Variants in POU2F2 observed in about 807,000 individuals in gnomAD.
POU2F2 encodes POU domain, class 2, transcription factor 2.
A neutral mutation model predicts 63.5 loss-of-function variants in POU2F2; 14 were observed. That is an observed-to-expected ratio of 0.22 (90% CI 0.15 to 0.34). POU2F2 has a LOEUF of 0.34. Among genes scored for constraint, POU2F2 ranks in the 10% least tolerant of loss-of-function variants. The probability of loss-of-function intolerance (pLI) is 1.00; values close to 1 mark genes in which losing one functional copy is unlikely to be tolerated. For missense variants in POU2F2, 607 were observed against 815.2 expected (o/e 0.74, Z 3.11); for synonymous variants, 306 against 348.6 (o/e 0.88, Z 1.36).
intron 1 of POU2F2, among the ~76,000 whole-genome samples, chr19:42,183,519 C>T (rs2034985004): frequency 6.6e-6 from 1 of 152,186 alleles, no homozygotes; most frequent in Non-Finnish European, 1.5e-5. Flanking sequence ...GTGGTGGTTA[C>T]ACAACTGTGT....
intron 1 of POU2F2, among the ~76,000 whole-genome samples, chr19:42,171,128 C>T (rs1017305334): frequency 1.3e-5 from 2 of 152,248 alleles, no homozygotes; most frequent in African/African-American, 4.8e-5. Flanking sequence ...TGCCTCAGGG[C>T]GACCCTCCCC....
Position 42,166,063 on chromosome 19 carries a change from T to TCC in POU2F2, c.-69-5672_-69-5671insGG, listed in dbSNP as rs543722561. On this transcript the variant is annotated intron_variant, in intron 1 of 6. Transcript: ENST00000524801. ...CTCCCATTAGGTTGGTAAAGGGGAA[T>TCC]TAAGGATGGCTGGGGATGGCCCCTT... Among the ~76,000 whole-genome samples, 12 of 152,314 alleles carry TCC rather than the reference T, an allele frequency of 7.9e-5. No individual in the cohort carries two copies. The South Asian group carries it at 2.3e-3, about 29-fold the overall frequency.
intron 1 of POU2F2, among the ~76,000 whole-genome samples, chr19:42,164,750 C>T (rs2034617485): frequency 6.6e-6 from 1 of 151,808 alleles, no homozygotes; most frequent in African/African-American, 2.4e-5. Context: ...TCCCTTGAGC[C>T]CAGGAGTACA....
At chr19:42,172,636 G>A (rs1042011890) in intron 1 of POU2F2, among the ~76,000 whole-genome samples, 6 of 152,164 alleles carry the variant, frequency 3.9e-5, no homozygotes, top group African/African-American at 9.7e-5. Context: ...CACCAAAAGG[G>A]GTAGGGGGGA....
chr19:42,106,681 G>A (rs2030073562), intron 5 of POU2F2, among the ~76,000 whole-genome samples: 1 of 151,888 alleles, frequency 6.6e-6, no homozygotes, highest in Admixed American at 6.6e-5. Context: ...GAGGCTAGAT[G>A]TGAGAATCTT....
At position 42,169,569 on chromosome 19, in the gene POU2F2, G is replaced by A. The variant is rs1170593772; in HGVS notation, c.-70+6394C>T. 6.6e-6 allele frequency among the ~76,000 whole-genome samples: 1 copy of A among 152,138 alleles called. No homozygotes were observed. The highest frequency in any genetic ancestry group is 2.4e-5 in the African/African-American group (1 of 41,424). ...TAGGGAATCTCTGACCAAAAGTATG[G>A]GTATCTGGCTCCCAGGACCCAAGGG... On this transcript the variant is annotated intron_variant, in intron 1 of 6. Transcript: ENST00000524801. The surrounding 1 kb of genome is among the most constrained non-coding windows in gnomAD (Gnocchi z 4.3).
Position 42,122,382 on chromosome 19 carries a change from C to T in POU2F2, c.95-4G>A, listed in dbSNP as rs200939178. 1 of 1,608,610 alleles carries T rather than the reference C, an allele frequency of 6.2e-7. No individual in the cohort carries two copies. The highest frequency in any genetic ancestry group is 1.3e-5 in the African/African-American group (1 of 74,198). On this transcript the variant is annotated splice_polypyrimidine_tract_variant and splice_region_variant and intron_variant, in intron 2 of 14. Transcript: ENST00000692977. The stretch of plus-strand genomic sequence containing the variant: ...TCTGGTCCATTTCTTTCGGTGTCTG[C>T]AAAGAGAGGGAAAGGATGTGTTGTC...
upstream of POU2F2, among the ~76,000 whole-genome samples, chr19:42,180,015 C>T (rs550491109): frequency 3.7e-4 from 57 of 152,148 alleles, no homozygotes; most frequent in Non-Finnish European, 8.1e-4. Context: ...CTGGGATCCA[C>T]ACAGTGTGTT....
chr19:42,116,278 A>G (rs1057124602), intron 5 of POU2F2, among the ~76,000 whole-genome samples: 8 of 152,162 alleles, frequency 5.3e-5, no homozygotes, highest in Non-Finnish European at 7.4e-5. Flanking sequence ...TTGAAAGAGC[A>G]TCTTGTTGGA....
intron 1 of POU2F2, among the ~76,000 whole-genome samples, chr19:42,174,484 A>G (rs2034833322): frequency 1.3e-5 from 2 of 152,194 alleles, no homozygotes; most frequent in Non-Finnish European, 1.5e-5. Context: ...ATACATAAAC[A>G]TCAGGACGAG....
At chr19:42,114,526 AAAGGGCTGTCTATGCTACAAGGC>A (rs1350993552) in intron 5 of POU2F2, among the ~76,000 whole-genome samples, 1 of 152,144 alleles carries the variant, frequency 6.6e-6, no homozygotes, top group East Asian at 1.9e-4. Flanking sequence ...GTTGCTCAGT[AAAGGGCTGTCTATGCTACAAGGC>A]AAATGGAACA....
Position 42,091,129 on chromosome 19 carries a change from G to C in POU2F2, c.*128C>G. The C allele has an allele frequency of 1.6e-6, 1 of 626,250 alleles. No homozygotes were observed. The highest frequency in any genetic ancestry group is 2.3e-6 in the Non-Finnish European group (1 of 441,946). The allele number at this position is 626,250 out of a possible 1,614,324, so 38.8% of individuals were successfully genotyped here. ...TTTTTTTTGGTTGGTTGTTTTTTTG[G>C]TCTTTCCTCCCTTGTCACTCCTGCT... On this transcript the variant is annotated 3_prime_UTR_variant, in exon 15 of 15. Coordinates refer to ENST00000692977, the MANE Select transcript of POU2F2 (RefSeq NM_001394376.1).
In POU2F2 at chr19:42,090,968, GGGTTTTTTTTTTTTTTGGTTTGTTTTT is replaced by G. The variant is rs939148771; in HGVS notation, c.*262_*288del. 4 of 311,614 alleles carry G rather than the reference GGGTTTTTTTTTTTTTTGGTTTGTTTTT, an allele frequency of 1.3e-5. No homozygotes were observed. The highest frequency in any genetic ancestry group is 8.8e-5 in the African/African-American group (4 of 45,658). 19.3% of individuals were successfully genotyped at this position (311,614 alleles called of 1,614,324 possible). A position where few individuals can be genotyped will look rare whatever the true frequency, so the allele number is the denominator to read the frequency against. On this transcript the variant is annotated 3_prime_UTR_variant, in exon 15 of 15. Coordinates refer to ENST00000692977, the MANE Select transcript of POU2F2 (RefSeq NM_001394376.1). This position sits in a 1 kb window ranked among gnomAD's most constrained non-coding sequence, Gnocchi z 4.4. The stretch of plus-strand genomic sequence containing the variant: ...GGTTTTTTGGTTTGTTTGATTTTGT[GGGTTTTTTTTTTTTTTGGTTTGTTTTT>G]GGTTTTTTTTTGTTTGTTTTTCACC...
intron 2 of POU2F2, among the ~76,000 whole-genome samples, chr19:42,150,326 G>A (rs1345729962): frequency 6.6e-6 from 1 of 151,494 alleles, no homozygotes; most frequent in Non-Finnish European, 1.5e-5. Context: ...GAAGATGTGC[G>A]GGCACTGCGG....
At chr19:42,196,779 G>GCGAGCCT (rs1457912551), upstream of POU2F2, among the ~76,000 whole-genome samples, 1 of 152,238 alleles carries the variant, frequency 6.6e-6, no homozygotes, top group Non-Finnish European at 1.5e-5. Flanking sequence ...CTCTGGAGGC[G>GCGAGCCT]CGAGCCTCTG....
intron 5 of POU2F2, among the ~76,000 whole-genome samples, chr19:42,110,094 A>ATT (rs760668134): frequency 4.2e-5 from 6 of 141,504 alleles, no homozygotes; most frequent in Non-Finnish European, 6.2e-5. Flanking sequence ...CATCTCCACA[A>ATT]TTTTTTTTTT....
chr19:42,097,371 A>G (rs1325730030), intron 7 of POU2F2, among the ~76,000 whole-genome samples: 2 of 151,450 alleles, frequency 1.3e-5, no homozygotes, highest in Non-Finnish European at 2.9e-5. Flanking sequence ...CTAATTTTGT[A>G]TTTTTAGTAG....
intron 12 of POU2F2, 156 bp downstream of exon 12, chr19:42,093,673 T>C (rs1179651542): frequency 2.2e-5 from 15 of 667,912 alleles, no homozygotes; most frequent in East Asian, 1.4e-4. Context: ...GAGGGGTGAG[T>C]CCTACCCTCT....
chr19:42,193,124 G>A (rs995689939), intron 1 of POU2F2, among the ~76,000 whole-genome samples: 1 of 151,218 alleles, frequency 6.6e-6, no homozygotes, highest in Non-Finnish European at 1.5e-5. Context: ...TACTAGGGAG[G>A]CTGAGGCGGG....
Sources: gnomAD v4.1 joint callset for allele counts (sites outside exome capture counted in the v4.1 genomes callset) on GRCh38, gnomAD v4.1.1 for gene constraint, Gnocchi (gnomAD v3.1) non-coding constraint, MANE v1.5 for transcripts, NCBI Gene and HGNC (gene_info 2026-07-23, HGNC 2026-07-21) for gene names.